The following ECE1 variants were observed in gnomAD, a reference collection of about 807,000 sequenced individuals.
ECE1 encodes endothelin converting enzyme 1.
A neutral mutation model predicts 98.6 loss-of-function variants in ECE1; 35 were observed. That is an observed-to-expected ratio of 0.35 (90% CI 0.27 to 0.47). The LOEUF is 0.47. Among genes scored for constraint, ECE1 ranks in the 20% least tolerant of loss-of-function variants. ECE1 has a pLI of 1.00. For synonymous variants in ECE1, 394 were observed against 407.1 expected, an observed-to-expected ratio of 0.97 and a Z score of 0.39; for missense variants, 814 against 1,025.3, an observed-to-expected ratio of 0.79 and a Z score of 2.81.
intron 10 of ECE1, among the ~76,000 whole-genome samples, chr1:21,239,451 G>T (rs1294918785): frequency 6.6e-6 from 1 of 152,196 alleles, no homozygotes; most frequent in African/African-American, 2.4e-5. Context: ...ATTCATCATG[G>T]CCCTAAACTG....
intron 8 of ECE1, 125 bp from the exon 9 acceptor site, chr1:21,247,488 G>T (rs887191282): frequency 1.4e-6 from 2 of 1,409,918 alleles, no homozygotes; most frequent in Admixed American, 3.6e-5. Flanking sequence ...ACAGCGCACC[G>T]GGCAGAGAGT....
intron 15 of ECE1, 43 bp downstream of exon 15, chr1:21,227,888 C>A (rs762858311): frequency 1.3e-6 from 2 of 1,498,196 alleles, no homozygotes; most frequent in East Asian, 4.9e-5. Context: ...CAGGGCTGGG[C>A]TGGGGGAAAA....
At chr1:21,269,627 C>T (rs576005251) in intron 4 of ECE1, among the ~76,000 whole-genome samples, 2 of 152,342 alleles carry the variant, frequency 1.3e-5, no homozygotes, top group East Asian at 1.9e-4. Context: ...TGTGCTTTGA[C>T]GAGCACCTAC....
Position 21,322,502 on chromosome 1 carries a change from C to G in ECE1, c.3+22874G>C, listed in dbSNP as rs1279733002. On this transcript the variant is annotated intron_variant, in intron 1 of 18. Coordinates refer to the ECE1 transcript ENST00000415912. The surrounding 1 kb of genome is among the most constrained non-coding windows in gnomAD (Gnocchi z 4.1). ...TCACCTGGCCAGTGCAAGGCGCAGG[C>G]TGAGGCACAGGTTGGGGCTGTGCCA... is the stretch of plus-strand genomic sequence containing the variant. 6.6e-6 allele frequency among the ~76,000 whole-genome samples: 1 copy of G among 152,206 alleles called. No individual in the cohort carries two copies. The highest frequency in any genetic ancestry group is 1.5e-5 in the Non-Finnish European group (1 of 68,036).
intron 9 of ECE1, among the ~76,000 whole-genome samples, chr1:21,245,378 T>C (rs776974408): frequency 6.6e-6 from 1 of 151,796 alleles, no homozygotes; most frequent in African/African-American, 2.4e-5. Flanking sequence ...GCCTAGCTGC[T>C]CTGTGTCTGG....
intron 18 of ECE1, among the ~76,000 whole-genome samples, chr1:21,221,435 G>T (rs28368049): frequency 0.022 from 3,424 of 152,254 alleles, 128 homozygotes; most frequent in African/African-American, 0.073. Flanking sequence ...GCCGCCCAAA[G>T]TGCTGGGATT....
chr1:21,273,338 CGTGTGTGCGTGTGT>C (rs1421443676), intron 3 of ECE1, among the ~76,000 whole-genome samples: 31 of 122,332 alleles, frequency 2.5e-4, no homozygotes, highest in African/African-American at 7.6e-4. Context: ...TGTGCCCGTG[CGTGTGTGCGTGTGT>C]GTGTGTGTGT....
At chr1:21,341,808 C>CT (rs1234984091) in intron 1 of ECE1, among the ~76,000 whole-genome samples, 4 of 150,390 alleles carry the variant, frequency 2.7e-5, no homozygotes, top group African/African-American at 1.0e-4. Context: ...CTTCTCCCTA[C>CT]CTTTTTTTTT....
intron 2 of ECE1, 111 bp downstream of exon 2, chr1:21,289,959 G>C (rs1173801033): frequency 2.4e-5 from 29 of 1,225,346 alleles, no homozygotes; most frequent in Non-Finnish European, 2.6e-5. Flanking sequence ...GACGAGGGAG[G>C]GGAAGGGAGG....
At chr1:21,239,557 T>C (rs113262952) in intron 10 of ECE1, among the ~76,000 whole-genome samples, 263 of 152,268 alleles carry the variant, frequency 1.7e-3, no homozygotes, top group African/African-American at 5.7e-3. Context: ...AGGAATGAAC[T>C]AGCTACTGAT....
At chr1:21,323,305 T>C (rs1558433106) in intron 1 of ECE1, among the ~76,000 whole-genome samples, 1 of 152,110 alleles carries the variant, frequency 6.6e-6, no homozygotes. Context: ...GGGAGGGTTA[T>C]GGATCAAAAT....
chr1:21,268,433 T>C (rs1358768018), intron 4 of ECE1, among the ~76,000 whole-genome samples: 1 of 152,234 alleles, frequency 6.6e-6, no homozygotes, highest in African/African-American at 2.4e-5. Flanking sequence ...GCTGGCAGAC[T>C]GCCAGGTCAT....
chr1:21,321,265 A>G (rs927480378), intron 1 of ECE1, among the ~76,000 whole-genome samples: 24 of 152,130 alleles, frequency 1.6e-4, no homozygotes, highest in Middle Eastern at 3.2e-3. Context: ...AAACAACCCT[A>G]ACATAAACCA....
chr1:21,262,521 C>T (rs1401955265), intron 4 of ECE1, among the ~76,000 whole-genome samples: 1 of 152,208 alleles, frequency 6.6e-6, no homozygotes, highest in Admixed American at 6.5e-5. Context: ...CATCTGGCTC[C>T]GGCCAAAGCC....
chr1:21,240,402 G>A (rs778330954), intron 10 of ECE1, among the ~76,000 whole-genome samples: 21 of 151,876 alleles, frequency 1.4e-4, no homozygotes, highest in Non-Finnish European at 4.4e-5. Context: ...CACAAGAATC[G>A]CTTGAACCCT....
chr1:21,288,007 C>T (rs1373256821), intron 2 of ECE1, among the ~76,000 whole-genome samples: 1 of 151,762 alleles, frequency 6.6e-6, no homozygotes, highest in Non-Finnish European at 1.5e-5. Context: ...ATAGAATACT[C>T]TGCCTCATAA....
chr1:21,299,261 G>A, intron 1 of ECE1: 1 of 199,914 alleles, frequency 5.0e-6, no homozygotes, highest in East Asian at 1.1e-4. Context: ...AGTGGGTGGG[G>A]CAGGAAGCTC....
chr1:21,291,820 C>T (rs1336604514), upstream of ECE1, among the ~76,000 whole-genome samples: 1 of 151,772 alleles, frequency 6.6e-6, no homozygotes, highest in Non-Finnish European at 1.5e-5. Flanking sequence ...GAGTGAGACT[C>T]CATCTCAAAC....
chr1:21,345,158 GCCC>G lies in ECE1; in HGVS notation c.3+215_3+217del. 2.1e-6 allele frequency: 1 copy of G among 472,646 alleles called. No homozygotes were observed. The highest frequency in any genetic ancestry group is 9.8e-5 in the South Asian group (1 of 10,212). The allele number at this position is 472,646 out of a possible 1,614,324, so 29.3% of individuals were successfully genotyped here. On this transcript the variant is annotated intron_variant, in intron 1 of 18. Coordinates refer to the ECE1 transcript ENST00000415912. This position sits in a 1 kb window ranked among gnomAD's most constrained non-coding sequence, Gnocchi z 5.1. Reference sequence around the variant, plus strand: ...GACCAGAACCAAGCTCGGCGCGGCCGCCCCCGACGGGACCAAGCGCAGCGCCGC... The same window carrying G: ...GACCAGAACCAAGCTCGGCGCGGCCGCCGACGGGACCAAGCGCAGCGCCGC...
Sources: gnomAD v4.1 joint callset for allele counts (sites outside exome capture counted in the v4.1 genomes callset) on GRCh38, gnomAD v4.1.1 for gene constraint, Gnocchi (gnomAD v3.1) non-coding constraint, MANE v1.5 for transcripts, NCBI Gene and HGNC (gene_info 2026-07-23, HGNC 2026-07-21) for gene names.